SLCO6A1: variants seen among roughly 807,000 people sequenced by gnomAD.
SLCO6A1 encodes the protein cancer/testis antigen 48.
Under a neutral mutation model 72.7 loss-of-function variants are expected in SLCO6A1, and 65 were observed. The ratio of observed to expected loss-of-function variants is 0.89; its 90% CI spans 0.73 to 1.10. SLCO6A1 has a LOEUF of 1.10. SLCO6A1 is among the 50% of genes least tolerant of loss of function. The pLI, the probability that SLCO6A1 is intolerant of heterozygous loss-of-function variation, is 0.00. For synonymous variants in SLCO6A1, 314 were observed against 298.2 expected (o/e 1.05, Z -0.55); for missense variants, 874 against 872.6 (o/e 1.00, Z -0.02).
At chr5:102,453,605 G>A (rs1750549957) in intron 6 of SLCO6A1, among the ~76,000 whole-genome samples, 1 of 152,118 alleles carries the variant, frequency 6.6e-6, no homozygotes. Flanking sequence ...CTCAGGAGTT[G>A]CGTTATTGCT....
At chr5:102,455,027 T>TATATATATATATACATAA (rs144619414) in intron 6 of SLCO6A1, among the ~76,000 whole-genome samples, 1,967 of 141,730 alleles carry the variant, frequency 0.014, 38 homozygotes, top group African/African-American at 0.037. Context: ...TATATATATA[T>TATATATATATATACATAA]AAATTATGTT....
At chr5:102,462,976 A>G (rs1751119786) in intron 4 of SLCO6A1, among the ~76,000 whole-genome samples, 1 of 152,186 alleles carries the variant, frequency 6.6e-6, no homozygotes, top group African/African-American at 2.4e-5. Flanking sequence ...ATCAGCAGAG[A>G]AAACAGACAA....
At chr5:102,426,309 A>G (rs991957905) in intron 7 of SLCO6A1, among the ~76,000 whole-genome samples, 1 of 152,250 alleles carries the variant, frequency 6.6e-6, no homozygotes, top group African/African-American at 2.4e-5. Flanking sequence ...CAGCAAAAGA[A>G]ACTATCATCA....
At chr5:102,475,563 G>A (rs1250929982) in intron 4 of SLCO6A1, 134 bp downstream of exon 4, 1 of 542,322 alleles carries the variant, frequency 1.8e-6, no homozygotes, top group East Asian at 3.0e-5. Context: ...ATGTGCATAT[G>A]TCACATTTGC....
intron 4 of SLCO6A1, among the ~76,000 whole-genome samples, chr5:102,467,248 C>A (rs1383323188): frequency 6.6e-6 from 1 of 151,968 alleles, no homozygotes; most frequent in Non-Finnish European, 1.5e-5. Context: ...TAAACCTCGT[C>A]TTTACCAAAA....
chr5:102,469,965 T>C, intron 4 of SLCO6A1, among the ~76,000 whole-genome samples: 1 of 152,234 alleles, frequency 6.6e-6, no homozygotes, highest in African/African-American at 2.4e-5. Context: ...ATTATGTTTA[T>C]TGATTTGCGT....
At chr5:102,396,301 C>G (rs1347751281) in intron 10 of SLCO6A1, among the ~76,000 whole-genome samples, 2 of 152,010 alleles carry the variant, frequency 1.3e-5, no homozygotes, top group African/African-American at 2.4e-5. Flanking sequence ...AATAGGGAAT[C>G]CTTTCCCCAT....
rs367563384 is a variant in SLCO6A1 at position 102,407,642 on chromosome 5, C to T, written c.1626+5348G>A. 2.6e-5 allele frequency among the ~76,000 whole-genome samples: 4 copies of T among 152,164 alleles called. No homozygotes were observed. The East Asian group carries it at 5.8e-4, about 22-fold the overall frequency. ...TAGGTGAGCCTTAAAATGTACCGGG[C>T]TCCTCTTGAAATCAGAGATACAAAA... On this transcript the variant is annotated intron_variant, in intron 9 of 13. Transcript: ENST00000506729.
chr5:102,395,774 C>T (rs1747038936), intron 10 of SLCO6A1, among the ~76,000 whole-genome samples: 1 of 152,110 alleles, frequency 6.6e-6, no homozygotes, highest in South Asian at 2.1e-4. Flanking sequence ...TTTTGATTTG[C>T]ATTTCTCTGA....
At chr5:102,497,430 G>A (rs1752957659) in intron 1 of SLCO6A1, among the ~76,000 whole-genome samples, 1 of 152,092 alleles carries the variant, frequency 6.6e-6, no homozygotes, top group Non-Finnish European at 1.5e-5. Context: ...CTCAGAGTTG[G>A]TGACCAAACA....
chr5:102,385,826 CTTTTT>C (rs57983218), intron 12 of SLCO6A1, among the ~76,000 whole-genome samples: 4 of 121,216 alleles, frequency 3.3e-5, no homozygotes, highest in Non-Finnish European at 5.1e-5. Flanking sequence ...CCTGTTTTTC[CTTTTT>C]TTTTTTTTTT....
chr5:102,395,281 A>T (rs1334856471), intron 10 of SLCO6A1, among the ~76,000 whole-genome samples: 3 of 152,042 alleles, frequency 2.0e-5, no homozygotes, highest in Non-Finnish European at 2.9e-5. Context: ...ATGAGTGAGA[A>T]CATGCGGTGT....
chr5:102,392,310 A>G (rs1206221480), intron 10 of SLCO6A1, among the ~76,000 whole-genome samples: 1 of 151,948 alleles, frequency 6.6e-6, no homozygotes, highest in Non-Finnish European at 1.5e-5. Flanking sequence ...TTACACTTTC[A>G]TTATGAGCAG....
intron 8 of SLCO6A1, among the ~76,000 whole-genome samples, chr5:102,417,490 G>A (rs1326698935): frequency 6.6e-6 from 1 of 151,506 alleles, no homozygotes; most frequent in African/African-American, 2.4e-5. Flanking sequence ...GTTGATTTAT[G>A]TGTTGTGACT....
intron 10 of SLCO6A1, among the ~76,000 whole-genome samples, chr5:102,397,324 T>C (rs532412811): frequency 1.3e-5 from 2 of 152,244 alleles, no homozygotes; most frequent in African/African-American, 2.4e-5. Flanking sequence ...GGGTGGAGCA[T>C]TGGCCAAGCT....
At chr5:102,389,535 T>G (rs530976165) in intron 11 of SLCO6A1, among the ~76,000 whole-genome samples, 2 of 146,624 alleles carry the variant, frequency 1.4e-5, no homozygotes, top group South Asian at 2.2e-4. Context: ...TCATCTTTCT[T>G]GACCAAATAT....
intron 12 of SLCO6A1, among the ~76,000 whole-genome samples, chr5:102,385,041 C>A (rs929851035): frequency 2.6e-5 from 4 of 152,064 alleles, no homozygotes; most frequent in African/African-American, 9.7e-5. Flanking sequence ...TTTTATTGTT[C>A]TGGAAAAGTC....
chr5:102,449,914 C>A lies in SLCO6A1; in HGVS notation c.1131+8468G>T, dbSNP rs116226589. 7.7e-3 allele frequency among the ~76,000 whole-genome samples: 1,168 copies of A among 152,256 alleles called. 11 individuals are homozygous for A. The highest frequency in any genetic ancestry group is 0.013 in the Non-Finnish European group (888 of 68,022). ...CCACTGGTCTTCAAGCTCTGAGATT[C>A]TTTCCTCAACCGATAATACTCCCAA... On this transcript the variant is annotated intron_variant, in intron 6 of 13. Transcript: ENST00000506729.
At chr5:102,484,760 C>T (rs1447676130) in intron 1 of SLCO6A1, among the ~76,000 whole-genome samples, 1 of 152,062 alleles carries the variant, frequency 6.6e-6, no homozygotes. Context: ...TGTTATACAT[C>T]AGAAATTTTT....
Sources: gnomAD v4.1 joint callset for allele counts (sites outside exome capture counted in the v4.1 genomes callset) on GRCh38, gnomAD v4.1.1 for gene constraint, MANE v1.5 for transcripts, NCBI Gene and HGNC (gene_info 2026-07-23, HGNC 2026-07-21) for gene names.